The following CELF1 variants were observed in gnomAD, a reference collection of about 807,000 sequenced individuals.
CELF1 encodes CUGBP Elav-like family member 1.
CELF1 carries 10 observed loss-of-function variants against 61.8 expected under a neutral mutation model. That is an observed-to-expected ratio of 0.16 (90% CI 0.10 to 0.27). CELF1 has a LOEUF of 0.27. CELF1 is among the 10% of genes least tolerant of loss of function. CELF1 has a pLI of 1.00. For synonymous variants in CELF1, 236 were observed against 225.1 expected (o/e 1.05, Z -0.43); for missense variants, 380 against 639.1 (o/e 0.59, Z 4.37).
chr11:47,508,618 C>T (rs901092932), intron 1 of CELF1, among the ~76,000 whole-genome samples: 7 of 147,662 alleles, frequency 4.7e-5, no homozygotes, highest in Non-Finnish European at 7.5e-5. Flanking sequence ...AAAACCTCCA[C>T]ATAAACAGGG....
At chr11:47,555,979 G>A (rs377446804), upstream of CELF1, among the ~76,000 whole-genome samples, 5 of 134,608 alleles carry the variant, frequency 3.7e-5, no homozygotes, top group Non-Finnish European at 4.6e-5. Context: ...CAGCCTGGGC[G>A]ACACAGCAAG....
chr11:47,534,190 G>A (rs951415034), intron 1 of CELF1, among the ~76,000 whole-genome samples: 51 of 150,944 alleles, frequency 3.4e-4, no homozygotes, highest in African/African-American at 9.7e-5. Context: ...CACCATGCCC[G>A]GCTAATATTT....
At position 47,475,412 on chromosome 11, in the gene CELF1, A is replaced by G; in HGVS notation, c.1197T>C (p.Ala399=). 1 of 1,614,168 alleles carries G rather than the reference A, an allele frequency of 6.2e-7. No homozygotes were observed. Among genetic ancestry groups the G allele is most frequent in the East Asian group, 2.2e-5 (1 of 44,886 alleles). ...QAYSGIQQYA[A]AALPTLYNQN... is the part of the protein sequence containing the mutation. ...GGTTGTACAGAGTGGGGAGCGCAGC[A>G]GCAGCATATTGCTGGATACCCGAGT... Residue 399 remains alanine, a synonymous_variant, in exon 13 of 15, where the codon GCT becomes GCC. Coordinates refer to ENST00000687097, the MANE Select transcript of CELF1 (RefSeq NM_001376376.1).
At chr11:47,542,711 T>TG (rs2096840110) in intron 1 of CELF1, among the ~76,000 whole-genome samples, 1 of 151,922 alleles carries the variant, frequency 6.6e-6, no homozygotes, top group South Asian at 2.1e-4. Flanking sequence ...TTGGCCAGGC[T>TG]GGTCTCAAAC....
At chr11:47,481,096 C>CTT (rs2082869074) in intron 9 of CELF1, among the ~76,000 whole-genome samples, 3 of 57,622 alleles carry the variant, frequency 5.2e-5, no homozygotes, top group Non-Finnish European at 7.7e-5. Context: ...TTTTTTTTTT[C>CTT]TTCTTCTTTT....
rs1247620485 is a variant in CELF1, at chr11:47,471,507, T to G, written c.*723A>C. The G allele has an allele frequency of 6.6e-6, 1 of 152,174 alleles. No individual in the cohort carries two copies. The highest frequency in any genetic ancestry group is 1.5e-5 in the Non-Finnish European group (1 of 68,046). 9.4% of individuals were successfully genotyped at this position (152,174 alleles called of 1,614,324 possible). A position where few individuals can be genotyped will look rare whatever the true frequency, so the allele number is the denominator to read the frequency against. On this transcript the variant is annotated 3_prime_UTR_variant, in exon 15 of 15. Transcript: ENST00000687097. ...GCTGGCTGGGGGAGCTCGTAATGGG[T>G]GATGCCGCCCTGCTTTTTGCATATG...
In CELF1 at chr11:47,499,509, C is replaced by T; in HGVS notation, c.15G>A (p.Lys5=). 6.5e-7 allele frequency: 1 copy of T among 1,536,038 alleles called. No individual in the cohort carries two copies. The stretch of plus-strand genomic sequence containing the variant: ...CCATCATTTCTGGAAGGAAATCCAA[C>T]TTAAACGCAGCCATCACCTCACTCT... MAAF[K]LDFLPEMMVD... Residue 5 remains lysine, a synonymous_variant, in exon 3 of 15, where the codon AAG becomes AAA. Coordinates refer to ENST00000687097, the MANE Select transcript of CELF1 (RefSeq NM_001376376.1).
At chr11:47,505,032 T>C (rs532943206) in intron 1 of CELF1, among the ~76,000 whole-genome samples, 2 of 151,398 alleles carry the variant, frequency 1.3e-5, no homozygotes, top group African/African-American at 2.4e-5. Context: ...ACTGAAAGGA[T>C]ATGACAAAAA....
Position 47,477,387 on chromosome 11 carries a change from C to G in CELF1, c.883G>C (p.Ala295Pro). 6.2e-7 allele frequency: 1 copy of G among 1,613,296 alleles called. No homozygotes were observed. Among genetic ancestry groups the G allele is most frequent in the Non-Finnish European group, 8.5e-7 (1 of 1,179,304 alleles). The change falls in exon 11 of 15, where the codon GCT becomes CCT. Residue 295 changes from alanine (A) to proline (P), a missense_variant. Transcript: ENST00000687097. ...AMQLQNLAALAAAASAAQNTP... is the reference protein window; with the variant it reads ...AMQLQNLAALPAAASAAQNTP... ...TTCTGAGCTGCACTAGCTGCAGCAG[C>G]TAGTGCAGCCAAATTCTGTAACTGC...
intron 3 of CELF1, among the ~76,000 whole-genome samples, chr11:47,497,855 T>A (rs1242758319): frequency 2.0e-5 from 3 of 152,128 alleles, no homozygotes; most frequent in African/African-American, 7.2e-5. Flanking sequence ...TCTTAAAAGA[T>A]TAGAAAGCAG....
intron 1 of CELF1, among the ~76,000 whole-genome samples, chr11:47,501,374 CT>C (rs1789278943): frequency 6.6e-6 from 1 of 152,188 alleles, no homozygotes; most frequent in Admixed American, 6.5e-5. Context: ...TATGTTTGTC[CT>C]AGTTTCTCCT....
chr11:47,506,984 C>T (rs892177609), intron 1 of CELF1: 10 of 152,178 alleles, frequency 6.6e-5, no homozygotes, highest in African/African-American at 2.4e-4. Context: ...CAAAGAAAAG[C>T]CCCTCTGTCA....
At chr11:47,553,857 C>T (rs918924637), upstream of CELF1, among the ~76,000 whole-genome samples, 3 of 151,284 alleles carry the variant, frequency 2.0e-5, no homozygotes, top group Non-Finnish European at 4.4e-5. Context: ...CTAAAGACTT[C>T]CTCCTGAGTT....
At chr11:47,489,792 G>GTAAT (rs1395542841) in intron 3 of CELF1, among the ~76,000 whole-genome samples, 2 of 151,962 alleles carry the variant, frequency 1.3e-5, no homozygotes, top group Non-Finnish European at 2.9e-5. Context: ...CATTGTACTT[G>GTAAT]TAATTCTCCT....
At chr11:47,494,418 T>C (rs911967773) in intron 3 of CELF1, 7 of 983,446 alleles carry the variant, frequency 7.1e-6, no homozygotes, top group Non-Finnish European at 8.5e-6. Flanking sequence ...GGTTACTTCG[T>C]CTACCTTGAT....
intron 1 of CELF1, among the ~76,000 whole-genome samples, chr11:47,530,623 G>A (rs2096436330): frequency 1.3e-5 from 2 of 152,296 alleles, no homozygotes; most frequent in South Asian, 2.1e-4. Flanking sequence ...AAGGATGGCT[G>A]TGAGACATGA....
intron 1 of CELF1, among the ~76,000 whole-genome samples, chr11:47,503,986 C>G (rs1164666662): frequency 6.6e-6 from 1 of 152,066 alleles, no homozygotes; most frequent in Non-Finnish European, 1.5e-5. Flanking sequence ...ACTAGTCTGA[C>G]CAACAAAGAG....
chr11:47,507,580 C>G (rs1481561044), intron 1 of CELF1, among the ~76,000 whole-genome samples: 1 of 152,168 alleles, frequency 6.6e-6, no homozygotes, highest in East Asian at 1.9e-4. Flanking sequence ...AAGACTGATT[C>G]TATAAAACTG....
chr11:47,484,203 C>T (rs2085227286), intron 7 of CELF1, among the ~76,000 whole-genome samples, 186 bp downstream of exon 7: 1 of 151,774 alleles, frequency 6.6e-6, no homozygotes. Flanking sequence ...TGTCATGATG[C>T]ATGCCTGTGG....
Sources: gnomAD v4.1 joint callset for allele counts (sites outside exome capture counted in the v4.1 genomes callset) on GRCh38, gnomAD v4.1.1 for gene constraint, MANE v1.5 for transcripts, NCBI Gene and HGNC (gene_info 2026-07-23, HGNC 2026-07-21) for gene names.